The following GLG1 variants were observed in gnomAD, a reference collection of about 807,000 sequenced individuals.
GLG1 encodes golgi glycoprotein 1, also known as Golgi apparatus protein 1.
A neutral mutation model predicts 160.5 loss-of-function variants in GLG1; 38 were observed. That is an observed-to-expected ratio of 0.24 (90% CI 0.18 to 0.31). GLG1 has a LOEUF of 0.31. Ranked by LOEUF, GLG1 falls within the 10% of genes least tolerant of loss-of-function variation. The probability of loss-of-function intolerance (pLI) is 1.00; values close to 1 mark genes in which losing one functional copy is unlikely to be tolerated. For missense variants in GLG1, 1,373 were observed against 1,505.2 expected (o/e 0.91, Z 1.45); for synonymous variants, 644 against 543.4 (o/e 1.19, Z -2.57).
At chr16:74,586,505 C>T (rs1049927750) in intron 1 of GLG1, among the ~76,000 whole-genome samples, 3 of 151,798 alleles carry the variant, frequency 2.0e-5, no homozygotes, top group African/African-American at 7.3e-5. Flanking sequence ...GACAGGGTCT[C>T]GCTCTGTCAC....
intron 19 of GLG1, among the ~76,000 whole-genome samples, chr16:74,464,907 A>C (rs1301322600): frequency 1.3e-5 from 2 of 152,120 alleles, no homozygotes; most frequent in Non-Finnish European, 1.5e-5. Context: ...CAGTGGCATG[A>C]CCTTGGCTCA....
intron 7 of GLG1, among the ~76,000 whole-genome samples, chr16:74,492,405 G>A (rs1301384904): frequency 1.4e-5 from 2 of 147,054 alleles, no homozygotes; most frequent in African/African-American, 5.0e-5. Flanking sequence ...CTATTCAGCT[G>A]GGCACAGTGG....
At chr16:74,586,482 A>T (rs1958056077) in intron 1 of GLG1, among the ~76,000 whole-genome samples, 1 of 149,738 alleles carries the variant, frequency 6.7e-6, no homozygotes, top group African/African-American at 2.5e-5. Context: ...TGGAAAGATA[A>T]TTTTTTTTTT....
chr16:74,479,419 G>A (rs2015518801), intron 11 of GLG1, among the ~76,000 whole-genome samples: 1 of 148,518 alleles, frequency 6.7e-6, no homozygotes, highest in African/African-American at 2.5e-5. Flanking sequence ...AGCCCCCATG[G>A]TTAATGAGAG....
In GLG1 at chr16:74,451,883, C is replaced by T; in HGVS notation, c.*1284G>A. The T allele has an allele frequency of 1.7e-6, 1 of 591,350 alleles. No individual in the cohort carries two copies. The highest frequency in any genetic ancestry group is 3.1e-6 in the Non-Finnish European group (1 of 327,466). The allele number at this position is 591,350 out of a possible 1,614,324, so 36.6% of individuals were successfully genotyped here. A position where few individuals can be genotyped will look rare whatever the true frequency, so the allele number is the denominator to read the frequency against. On this transcript the variant is annotated 3_prime_UTR_variant, in exon 26 of 26. Coordinates refer to ENST00000422840, the MANE Select transcript of GLG1 (RefSeq NM_001145667.2). ...TATTCTGCAAAGGTTGATGAATCGC[C>T]AAAATACAACATTTAGCCAATGCCT...
At chr16:74,589,016 TG>T (rs1395570040) in intron 1 of GLG1, among the ~76,000 whole-genome samples, 2 of 145,538 alleles carry the variant, frequency 1.4e-5, no homozygotes, top group African/African-American at 5.1e-5. Flanking sequence ...CTGAGGGGGG[TG>T]GATAACTTCA....
intron 1 of GLG1, among the ~76,000 whole-genome samples, chr16:74,592,325 T>C (rs1958203440): frequency 6.6e-6 from 1 of 152,170 alleles, no homozygotes; most frequent in African/African-American, 2.4e-5. Context: ...GTATTTTTAG[T>C]AGAGACAGGG....
intron 1 of GLG1, among the ~76,000 whole-genome samples, chr16:74,600,494 G>A (rs1476439064): frequency 6.6e-6 from 1 of 152,062 alleles, no homozygotes; most frequent in Non-Finnish European, 1.5e-5. Context: ...CACTTTGGGA[G>A]GCCAAGACAG....
Position 74,467,795 on chromosome 16 carries a change from G to C in GLG1, c.2490C>G (p.Ile830Met). The C allele has an allele frequency of 6.2e-7, 1 of 1,613,540 alleles. No individual in the cohort carries two copies. The change falls in exon 18 of 26, where the codon ATC (isoleucine) becomes ATG (methionine). Residue 830 changes from isoleucine (I) to methionine (M), a missense_variant. By Grantham distance (10) the Ile-to-Met change is conservative (BLOSUM62 1). Around this residue, in one of 4 missense-constraint regions of GLG1, gnomAD observed 491 missense variants for 632.1 expected, o/e 0.78. Coordinates refer to ENST00000422840, the MANE Select transcript of GLG1 (RefSeq NM_001145667.2). ...PDLYEACKSD[I>M]KNFCSAVQYG... ...ATTGCACAGCGGAACAGAAGTTTTT[G>C]ATGTCACTCTTGCAGGCTTCGTATA... is the stretch of plus-strand genomic sequence containing the variant.
Position 74,492,917 on chromosome 16 carries a change from G to A in GLG1, c.1234+40C>T, listed in dbSNP as rs755766619. On this transcript the variant is annotated intron_variant, in intron 7 of 25. Coordinates refer to ENST00000422840, the MANE Select transcript of GLG1 (RefSeq NM_001145667.2). ...AAGCTTTAGAGTGTGAATCCAAAAA[G>A]GAACAGAAATGATAATTAAAAAAAA... The A allele has an allele frequency of 7.7e-6, 10 of 1,301,788 alleles. No homozygotes were observed. In the African/African-American group the frequency reaches 1.1e-4, roughly 14 times the overall value. The allele number at this position is 1,301,788 out of a possible 1,614,324, so 80.6% of individuals were successfully genotyped here.
rs1289098724 is a variant in GLG1, at chr16:74,469,031, A to G, written c.2351T>C (p.Val784Ala). Residue 784 changes from valine to alanine, a missense_variant, in exon 17 of 26, where the codon GTG becomes GCG. Physicochemically the swap from Val to Ala is moderately conservative, Grantham distance 64. Coordinates refer to ENST00000422840, the MANE Select transcript of GLG1 (RefSeq NM_001145667.2). ...VDVVICLSTTVRNDTLQEAKE... is the reference protein window; with the variant it reads ...VDVVICLSTTARNDTLQEAKE... ...GGCTTCCTGCAGAGTGTCATTGCGC[A>G]CGGTCGTGCTCAGGCAGATCACCAC... is the stretch of plus-strand genomic sequence containing the variant. The G allele has an allele frequency of 1.2e-6, 2 of 1,614,046 alleles. No homozygotes were observed. Among genetic ancestry groups the G allele is most frequent in the Non-Finnish European group, 1.7e-6 (2 of 1,179,894 alleles).
At chr16:74,469,921 A>G (rs1597233843) in intron 16 of GLG1, 64 bp downstream of exon 16, 2 of 1,028,344 alleles carry the variant, frequency 1.9e-6, no homozygotes, top group Non-Finnish European at 3.1e-6. Context: ...AACATCTCGC[A>G]TACTCATTCC....
In GLG1 at chr16:74,606,627, G is replaced by A. The variant is rs773855149; in HGVS notation, c.438+30C>T. The A allele has an allele frequency of 8.2e-5, 126 of 1,528,938 alleles. 1 individual carries two copies. In the East Asian group the frequency reaches 2.8e-3, roughly 34 times the overall value. The allele number at this position is 1,528,938 out of a possible 1,614,324, so 94.7% of individuals were successfully genotyped here. ...ACACCCTCGGGCCCGCACCAGGCCT[G>A]GCCCTCCCGGCTTCGTCCCACCTCC... On this transcript the variant is annotated intron_variant, in intron 1 of 25. Coordinates refer to ENST00000422840, the MANE Select transcript of GLG1 (RefSeq NM_001145667.2).
At chr16:74,520,799 C>CA (rs1398094337) in intron 2 of GLG1, among the ~76,000 whole-genome samples, 2 of 152,184 alleles carry the variant, frequency 1.3e-5, no homozygotes, top group Non-Finnish European at 2.9e-5. Flanking sequence ...GTATATTACT[C>CA]AAATTGCCAC....
At position 74,459,726 on chromosome 16, in the gene GLG1, G is replaced by A; in HGVS notation, c.3100C>T (p.Leu1034Phe). Reference protein sequence around the residue: ...QEQTGQVEECLKVNLLKIKTE... With the variant: ...QEQTGQVEECFKVNLLKIKTE... ...TTGATCTTGAGCAGGTTGACCTTGA[G>A]GCACTCCTCCACCTGACCTGTCTGC... The change falls in exon 23 of 26, where the codon CTC (leucine) becomes TTC (phenylalanine). Residue 1034 changes from leucine (L) to phenylalanine (F), a missense_variant. This residue lies in a region of GLG1 where 491 missense variants were observed against 632.1 expected (regional missense o/e 0.78). Transcript: ENST00000422840. The A allele has an allele frequency of 6.2e-7, 1 of 1,608,932 alleles. No homozygotes were observed. Among genetic ancestry groups the A allele is most frequent in the Non-Finnish European group, 8.5e-7 (1 of 1,175,818 alleles).
intron 1 of GLG1, among the ~76,000 whole-genome samples, chr16:74,600,744 A>AAAAAAAAAAAC (rs1958423265): frequency 2.0e-5 from 3 of 150,942 alleles, no homozygotes; most frequent in Non-Finnish European, 3.0e-5. Flanking sequence ...AAAAAAAAAA[A>AAAAAAAAAAAC]AAAAAAAAAA....
chr16:74,572,643 C>G (rs1262958062), intron 1 of GLG1, among the ~76,000 whole-genome samples: 1 of 152,212 alleles, frequency 6.6e-6, no homozygotes, highest in Non-Finnish European at 1.5e-5. Context: ...CTCCTTGCCC[C>G]TTCTCCCATA....
chr16:74,508,371 A>G (rs780196419), intron 3 of GLG1, among the ~76,000 whole-genome samples: 1 of 152,068 alleles, frequency 6.6e-6, no homozygotes, highest in African/African-American at 2.4e-5. Context: ...ATTTTCACTA[A>G]TATTATTTGT....
chr16:74,605,723 T>C (rs1262902090), intron 1 of GLG1, among the ~76,000 whole-genome samples: 1 of 152,052 alleles, frequency 6.6e-6, no homozygotes, highest in Non-Finnish European at 1.5e-5. Flanking sequence ...TTGAACGCCT[T>C]AAACAAATCT....
Sources: gnomAD v4.1 joint callset for allele counts (sites outside exome capture counted in the v4.1 genomes callset) on GRCh38, gnomAD v4.1.1 for gene constraint, gnomAD v4.1.1 regional missense constraint, MANE v1.5 for transcripts, NCBI Gene and HGNC (gene_info 2026-07-23, HGNC 2026-07-21) for gene names.